The following AMDHD2 variants were observed in gnomAD, a reference collection of about 807,000 sequenced individuals.
AMDHD2 encodes amidohydrolase domain containing 2, also known as N-acetylglucosamine-6-phosphate deacetylase.
Under a neutral mutation model 41.8 loss-of-function variants are expected in AMDHD2, and 24 were observed. That is an observed-to-expected ratio of 0.57 (90% CI 0.42 to 0.81). The LOEUF (loss-of-function observed/expected upper bound fraction) is 0.81, where lower values mean the gene tolerates loss of function less well. Ranked by LOEUF, AMDHD2 falls within the 30% of genes least tolerant of loss-of-function variation. The pLI, the probability that AMDHD2 is intolerant of heterozygous loss-of-function variation, is 0.00. For missense variants in AMDHD2, 540 were observed against 588.5 expected, an observed-to-expected ratio of 0.92 and a Z score of 0.85; for synonymous variants, 332 against 255.5, an observed-to-expected ratio of 1.30 and a Z score of -2.85.
At position 2,527,413 on chromosome 16, in the gene AMDHD2, T is replaced by TTCCCTG; in HGVS notation, c.361-147_361-142dup. On this transcript the variant is annotated intron_variant, in intron 3 of 10. Coordinates refer to ENST00000293971, the MANE Select transcript of AMDHD2 (RefSeq NM_001330449.2). The surrounding 1 kb of genome is among the most constrained non-coding windows in gnomAD (Gnocchi z 6.1). ...GTCCTTCAATTCTGCCGGCTGTGCT[T>TTCCCTG]TCCCTGACCCCTGTGAGGGGACAGG... The TTCCCTG allele has an allele frequency of 2.6e-6, 2 of 779,424 alleles. No individual in the cohort carries two copies. The highest frequency in any genetic ancestry group is 2.1e-6 in the Non-Finnish European group (1 of 469,852). The allele number at this position is 779,424 out of a possible 1,614,324, so 48.3% of individuals were successfully genotyped here. A position where few individuals can be genotyped will look rare whatever the true frequency, so the allele number is the denominator to read the frequency against.
Position 2,528,092 on chromosome 16 carries a change from G to A in AMDHD2, c.661G>A (p.Asp221Asn). 4 of 1,613,088 alleles carry A rather than the reference G, an allele frequency of 2.5e-6. No individual in the cohort carries two copies. Among genetic ancestry groups the A allele is most frequent in the Non-Finnish European group, 3.4e-6 (4 of 1,179,872 alleles). The change falls in exon 6 of 11, where the codon GAT (aspartate) becomes AAT (asparagine). Residue 221 changes from aspartate (D) to asparagine (N), a missense_variant. Physicochemically the swap from Asp to Asn is conservative, Grantham distance 23. Transcript: ENST00000293971. ...HSVADLRAAE[D>N]AVWSGATFIT... ...AGTGGCTGACCTGCGGGCGGCAGAG[G>A]ATGCTGTGTGGAGCGGAGCCACCTT... is the stretch of plus-strand genomic sequence containing the variant.
chr16:2,526,366 T>G (rs1215230247), intron 3 of AMDHD2, among the ~76,000 whole-genome samples: 1 of 152,110 alleles, frequency 6.6e-6, no homozygotes, highest in Non-Finnish European at 1.5e-5. Flanking sequence ...AGAACACACA[T>G]TTCGCAAGTT....
At chr16:2,526,183 G>T (rs2066001867) in intron 3 of AMDHD2, among the ~76,000 whole-genome samples, 2 of 152,158 alleles carry the variant, frequency 1.3e-5, no homozygotes, top group African/African-American at 4.8e-5. Context: ...CTTTCTTTCA[G>T]AAGAGGTGTC....
rs896246290 is a variant in AMDHD2 at position 2,520,429 on chromosome 16, C to T, written c.-30C>T. The stretch of plus-strand genomic sequence containing the variant: ...GCGGGATTTGGCCGCCGCGGGGCTC[C>T]GGAGCCGCTCGCTCCCGACACGGCT... On this transcript the variant is annotated 5_prime_UTR_variant, in exon 1 of 11. Transcript: ENST00000293971. The T allele has an allele frequency of 1.7e-5, 21 of 1,225,616 alleles. No homozygotes were observed. The highest frequency in any genetic ancestry group is 4.7e-5 in the African/African-American group (3 of 63,650). The allele number at this position is 1,225,616 out of a possible 1,614,324, so 75.9% of individuals were successfully genotyped here.
intron 3 of AMDHD2, among the ~76,000 whole-genome samples, chr16:2,526,029 C>G (rs896889335): frequency 6.6e-6 from 1 of 152,204 alleles, no homozygotes; most frequent in African/African-American, 2.4e-5. Context: ...CAGAAGACCT[C>G]TTATTGGCTG....
chr16:2,523,276 G>A (rs928179696), intron 3 of AMDHD2, among the ~76,000 whole-genome samples: 2 of 152,164 alleles, frequency 1.3e-5, no homozygotes, highest in Non-Finnish European at 2.9e-5. Flanking sequence ...AGCCCCCGCC[G>A]TTTTCCCCTC....
chr16:2,524,575 T>A (rs1049079286), intron 3 of AMDHD2, among the ~76,000 whole-genome samples: 2 of 152,250 alleles, frequency 1.3e-5, no homozygotes, highest in Non-Finnish European at 2.9e-5. Context: ...AGCCATTGTC[T>A]TTTTTTGTTT....
chr16:2,521,393 C>T (rs532413044), intron 3 of AMDHD2, among the ~76,000 whole-genome samples: 1 of 152,190 alleles, frequency 6.6e-6, no homozygotes, highest in Admixed American at 6.5e-5. Flanking sequence ...TCCCCACCCC[C>T]TGCACTGCAC....
rs1171919304 is a variant in AMDHD2, at chr16:2,520,980, G to A, written c.221-4G>A. 10 of 1,599,396 alleles carry A rather than the reference G, an allele frequency of 6.3e-6. No homozygotes were observed. The highest frequency in any genetic ancestry group is 8.5e-6 in the Non-Finnish European group (10 of 1,169,830). On this transcript the variant is annotated splice_polypyrimidine_tract_variant and splice_region_variant and intron_variant, in intron 2 of 10. Coordinates refer to ENST00000293971, the MANE Select transcript of AMDHD2 (RefSeq NM_001330449.2). ...ATGCGACACTTCCTTTTCTGTGGCT[G>A]CAGGTGGATTTGGTGTTGACTTCTC...
At position 2,527,378 on chromosome 16, in the gene AMDHD2, C is replaced by T. The variant is rs1407674121; in HGVS notation, c.361-183C>T. Among the ~76,000 whole-genome samples, 1 of 152,214 alleles carries T rather than the reference C, an allele frequency of 6.6e-6. No homozygotes were observed. Among genetic ancestry groups the T allele is most frequent in the Non-Finnish European group, 1.5e-5 (1 of 68,034 alleles). On this transcript the variant is annotated intron_variant, in intron 3 of 10. Coordinates refer to ENST00000293971, the MANE Select transcript of AMDHD2 (RefSeq NM_001330449.2). The surrounding 1 kb of genome is among the most constrained non-coding windows in gnomAD (Gnocchi z 6.1). ...CACACACCTATCATTTCTTCCTGCT[C>T]CTGCCATGGGTCCTTCAATTCTGCC...
rs763993581 is a variant in AMDHD2, at chr16:2,530,652, C to T, written c.*1089C>T. On this transcript the variant is annotated 3_prime_UTR_variant, in exon 11 of 11. Transcript: ENST00000293971. ...GTTCTCTTCCCTCTGCTGCAAAGCCCAGTTAAGGAAATGTCTCCAGGTCCA... is the reference window on the plus strand; with the variant it reads ...GTTCTCTTCCCTCTGCTGCAAAGCCTAGTTAAGGAAATGTCTCCAGGTCCA... The T allele has an allele frequency of 3.7e-6, 6 of 1,614,076 alleles. No homozygotes were observed. Among genetic ancestry groups the T allele is most frequent in the Non-Finnish European group, 5.1e-6 (6 of 1,180,046 alleles).
rs1008354193 is a variant in AMDHD2 at position 2,520,378 on chromosome 16, C to A, written c.-81C>A. On this transcript the variant is annotated 5_prime_UTR_variant, in exon 1 of 11. Transcript: ENST00000293971. Reference sequence around the variant, plus strand: ...GAAGGTCACGTGGGCGCGGTCTCAGCTCTCGGCTGGGGTTCGTCACTGGGC... The same window carrying A: ...GAAGGTCACGTGGGCGCGGTCTCAGATCTCGGCTGGGGTTCGTCACTGGGC... 5.3e-6 allele frequency: 6 copies of A among 1,140,692 alleles called. No individual in the cohort carries two copies. The African/African-American group carries it at 8.1e-5, about 15-fold the overall frequency. 70.7% of individuals were successfully genotyped at this position (1,140,692 alleles called of 1,614,324 possible).
At chr16:2,524,502 T>C (rs2065979135) in intron 3 of AMDHD2, among the ~76,000 whole-genome samples, 1 of 152,262 alleles carries the variant, frequency 6.6e-6, no homozygotes, top group Admixed American at 6.5e-5. Context: ...GTTGATCTTT[T>C]ACTGTGCTCT....
rs2066059587 is a variant in AMDHD2 at position 2,529,679 on chromosome 16, C to T, written c.*116C>T. On this transcript the variant is annotated 3_prime_UTR_variant, in exon 11 of 11. Transcript: ENST00000293971. ...AGCCCTGCTGGATTGATGCCCAGGG[C>T]CTGTGCGGCCGCCCTGGAGGCGGTG... 1 of 1,528,430 alleles carries T rather than the reference C, an allele frequency of 6.5e-7. No individual in the cohort carries two copies. The highest frequency in any genetic ancestry group is 1.4e-5 in the African/African-American group (1 of 73,232). 94.7% of individuals were successfully genotyped at this position (1,528,430 alleles called of 1,614,324 possible).
In AMDHD2 at chr16:2,528,473, C is replaced by G. The variant is rs1278706854; in HGVS notation, c.884C>G (p.Ala295Gly). The change falls in exon 8 of 11, where the codon GCC becomes GGC. Residue 295 changes from alanine (A) to glycine (G), a missense_variant. Physicochemically the swap from Ala to Gly is moderately conservative, Grantham distance 60 (BLOSUM62 0). Transcript: ENST00000293971. ...CCAGGGCTGGTGCTGGTCACCGATG[C>G]CATCCCTGCCTTGGGCCTGGGCAAC... is the stretch of plus-strand genomic sequence containing the variant. ...HPQGLVLVTDAIPALGLGNGR... is the reference protein window; with the variant it reads ...HPQGLVLVTDGIPALGLGNGR... 3 of 1,612,812 alleles carry G rather than the reference C, an allele frequency of 1.9e-6. No individual in the cohort carries two copies. Among genetic ancestry groups the G allele is most frequent in the Non-Finnish European group, 2.5e-6 (3 of 1,179,902 alleles).
rs1472785202 is a variant in AMDHD2 at position 2,528,374 on chromosome 16, C to T, written c.856C>T (p.Pro286Ser). ...CCTGCGGATCGCCCACCGTGCCCAT[C>T]CCCAGGGTAAGCTGCGGCAGGTGGC... ...AALRIAHRAHPQGLVLVTDAI... is the reference protein window; with the variant it reads ...AALRIAHRAHSQGLVLVTDAI... Residue 286 changes from proline (P) to serine (S), a missense_variant, in exon 7 of 11, where the codon CCC (proline) becomes TCC (serine). Physicochemically the swap from Pro to Ser is moderately conservative, Grantham distance 74. Transcript: ENST00000293971. The T allele has an allele frequency of 6.2e-7, 1 of 1,612,960 alleles. No homozygotes were observed. Among genetic ancestry groups the T allele is most frequent in the Non-Finnish European group, 8.5e-7 (1 of 1,179,942 alleles).
chr16:2,525,979 C>G (rs561264693), intron 3 of AMDHD2, among the ~76,000 whole-genome samples: 5 of 152,184 alleles, frequency 3.3e-5, no homozygotes, highest in African/African-American at 1.2e-4. Context: ...GTGCCCAGCC[C>G]AGTGTTCCTT....
chr16:2,520,452 G>C lies in AMDHD2; in HGVS notation c.-7G>C. The stretch of plus-strand genomic sequence containing the variant: ...TCCGGAGCCGCTCGCTCCCGACACG[G>C]CTCACGATGCGCGGCGAGCAGGGCG... On this transcript the variant is annotated 5_prime_UTR_variant, in exon 1 of 11. Coordinates refer to ENST00000293971, the MANE Select transcript of AMDHD2 (RefSeq NM_001330449.2). 1 of 1,234,416 alleles carries C rather than the reference G, an allele frequency of 8.1e-7. No individual in the cohort carries two copies. Among genetic ancestry groups the C allele is most frequent in the Middle Eastern group, 2.8e-4 (1 of 3,542 alleles). 76.5% of individuals were successfully genotyped at this position (1,234,416 alleles called of 1,614,324 possible). A position where few individuals can be genotyped will look rare whatever the true frequency, so the allele number is the denominator to read the frequency against.
chr16:2,530,667 C>G lies in AMDHD2; in HGVS notation c.*1104C>G, dbSNP rs1179461291. 3.1e-6 allele frequency: 5 copies of G among 1,614,204 alleles called. No homozygotes were observed. The highest frequency in any genetic ancestry group is 1.7e-5 in the Admixed American group (1 of 60,032). On this transcript the variant is annotated 3_prime_UTR_variant, in exon 11 of 11. Coordinates refer to ENST00000293971, the MANE Select transcript of AMDHD2 (RefSeq NM_001330449.2). Reference sequence around the variant, plus strand: ...CTGCAAAGCCCAGTTAAGGAAATGTCTCCAGGTCCAAAGAGATAGGATGGT... The same window carrying G: ...CTGCAAAGCCCAGTTAAGGAAATGTGTCCAGGTCCAAAGAGATAGGATGGT...
Sources: allele counts gnomAD v4.1 joint callset (sites outside exome capture counted in the v4.1 genomes callset), GRCh38; gene constraint gnomAD v4.1.1; non-coding constraint Gnocchi (gnomAD v3.1); transcripts MANE v1.5; gene names NCBI Gene and HGNC (gene_info 2026-07-23, HGNC 2026-07-21).